KCNQ1: variants seen among roughly 807,000 people sequenced by gnomAD.
KCNQ1 encodes potassium voltage-gated channel subfamily KQT member 1.
In KCNQ1, 49 loss-of-function variants were observed where a neutral mutation model predicts 72.4. The observed-to-expected ratio is 0.68, with a 90% CI of 0.54 to 0.86. The LOEUF is 0.86. Among genes scored for constraint, KCNQ1 ranks in the 40% least tolerant of loss-of-function variants. KCNQ1 has a pLI of 0.00. For missense variants in KCNQ1, 790 were observed against 945.1 expected, an observed-to-expected ratio of 0.84 and a Z score of 2.15; for synonymous variants, 450 against 412.6, an observed-to-expected ratio of 1.09 and a Z score of -1.10.
intron 1 of KCNQ1, among the ~76,000 whole-genome samples, chr11:2,452,436 G>A (rs1846130409): frequency 6.6e-6 from 1 of 152,166 alleles, no homozygotes; most frequent in Non-Finnish European, 1.5e-5. Context: ...GAGCAGCCCG[G>A]GCAGCTTAGA....
chr11:2,748,921 C>T lies in KCNQ1; in HGVS notation c.1515-19923C>T, dbSNP rs1462877253. 1.3e-5 allele frequency among the ~76,000 whole-genome samples: 2 copies of T among 152,224 alleles called. No individual in the cohort carries two copies. The highest frequency in any genetic ancestry group is 6.5e-5 in the Admixed American group (1 of 15,290). On this transcript the variant is annotated intron_variant, in intron 11 of 15. Coordinates refer to ENST00000155840, the MANE Select transcript of KCNQ1 (RefSeq NM_000218.3). The surrounding 1 kb of genome is among the most constrained non-coding windows in gnomAD (Gnocchi z 6.2). ...CTCTTCCCCTCTTTGCGGTTGTCACCCTGTCCTTGAGTCTAACTGGGGCTG... is the reference window on the plus strand; with the variant it reads ...CTCTTCCCCTCTTTGCGGTTGTCACTCTGTCCTTGAGTCTAACTGGGGCTG...
chr11:2,633,969 C>G, intron 10 of KCNQ1: 1 of 398,454 alleles, frequency 2.5e-6, no homozygotes, highest in Non-Finnish European at 4.4e-6. Context: ...CTATACAGTT[C>G]AAATCTATGT....
Position 2,475,290 on chromosome 11 carries a change from C to T in KCNQ1, c.386+29806C>T, listed in dbSNP as rs75293264. On this transcript the variant is annotated intron_variant, in intron 1 of 15. Coordinates refer to ENST00000155840, the MANE Select transcript of KCNQ1 (RefSeq NM_000218.3). The surrounding 1 kb of genome is among the most constrained non-coding windows in gnomAD (Gnocchi z 5.8). ...CACCGAGCGTCCTGTCTTCACTGTC[C>T]GCCGTGTTATAACACGCAAGGGAAT... Among the ~76,000 whole-genome samples the T allele has an allele frequency of 0.023, 3,484 of 152,166 alleles. 134 individuals carry two copies. Among genetic ancestry groups the T allele is most frequent in the African/African-American group, 0.081 (3,357 of 41,500 alleles).
At position 2,759,598 on chromosome 11, in the gene KCNQ1, G is replaced by A. The variant is rs867350936; in HGVS notation, c.1515-9246G>A. On this transcript the variant is annotated intron_variant, in intron 11 of 15. Coordinates refer to ENST00000155840, the MANE Select transcript of KCNQ1 (RefSeq NM_000218.3). The surrounding 1 kb of genome is among the most constrained non-coding windows in gnomAD (Gnocchi z 4.4). ...CCCAGCATGTGGGAAGGAAGGGAGCGAGCTCTTATTTCCTTATTTTCTTTC... is the reference window on the plus strand; with the variant it reads ...CCCAGCATGTGGGAAGGAAGGGAGCAAGCTCTTATTTCCTTATTTTCTTTC... Among the ~76,000 whole-genome samples the A allele has an allele frequency of 2.0e-5, 3 of 152,214 alleles. No homozygotes were observed. Among genetic ancestry groups the A allele is most frequent in the Non-Finnish European group, 4.4e-5 (3 of 68,040 alleles).
intron 11 of KCNQ1, among the ~76,000 whole-genome samples, chr11:2,737,690 C>T (rs529076451): frequency 3.3e-5 from 5 of 152,190 alleles, no homozygotes; most frequent in Admixed American, 2.0e-4. Flanking sequence ...CCATAAAACA[C>T]GGCTGGTGGG....
In KCNQ1 at chr11:2,671,042, G is replaced by C; in HGVS notation, c.1514+8961G>C. 2.5e-6 allele frequency: 1 copy of C among 398,682 alleles called. No homozygotes were observed. The highest frequency in any genetic ancestry group is 4.4e-6 in the Non-Finnish European group (1 of 226,092). 24.7% of individuals were successfully genotyped at this position (398,682 alleles called of 1,614,324 possible). On this transcript the variant is annotated intron_variant, in intron 11 of 15. Transcript: ENST00000155840. The surrounding 1 kb of genome is among the most constrained non-coding windows in gnomAD (Gnocchi z 4.7). ...AACGTAGGTGTCCTGGGCAGGGGCT[G>C]TATCTGAGGCACACATCCTTGGTAG... is the stretch of plus-strand genomic sequence containing the variant.
intron 11 of KCNQ1, chr11:2,681,280 A>C: frequency 2.5e-6 from 1 of 398,520 alleles, no homozygotes. Context: ...CTTTCTCCCT[A>C]TACCTTCCTG....
chr11:2,692,114 T>A, intron 11 of KCNQ1: 1 of 398,666 alleles, frequency 2.5e-6, no homozygotes, highest in Non-Finnish European at 4.4e-6. Context: ...GCCTCCATCA[T>A]TTTATAGCCC....
chr11:2,717,949 C>G (rs1414025307), intron 11 of KCNQ1, among the ~76,000 whole-genome samples: 1 of 152,224 alleles, frequency 6.6e-6, no homozygotes, highest in Non-Finnish European at 1.5e-5. Flanking sequence ...GGAGTAAAGA[C>G]CACACCTGGC....
At chr11:2,649,795 T>TTTA (rs1312338624) in intron 10 of KCNQ1, 1 of 398,436 alleles carries the variant, frequency 2.5e-6, no homozygotes, top group African/African-American at 2.1e-5. Context: ...GTTGAATCTA[T>TTTA]TTAGGGATTT....
In KCNQ1 at chr11:2,704,086, G is replaced by A. The variant is rs555943014; in HGVS notation, c.1514+42005G>A. On this transcript the variant is annotated intron_variant, in intron 11 of 15. Transcript: ENST00000155840. The surrounding 1 kb of genome is among the most constrained non-coding windows in gnomAD (Gnocchi z 4.3). ...AGTTGGCAGTCTGTGGCCCCTCCTCGGTCCCCTTCAGTGAGGCTTTTTGCA... is the reference window on the plus strand; with the variant it reads ...AGTTGGCAGTCTGTGGCCCCTCCTCAGTCCCCTTCAGTGAGGCTTTTTGCA... Among the ~76,000 whole-genome samples the A allele has an allele frequency of 7.2e-5, 11 of 152,292 alleles. No homozygotes were observed. Among genetic ancestry groups the A allele is most frequent in the Non-Finnish European group, 1.0e-4 (7 of 68,020 alleles).
chr11:2,510,826 G>A (rs1052113627), intron 1 of KCNQ1, among the ~76,000 whole-genome samples: 5 of 152,130 alleles, frequency 3.3e-5, no homozygotes, highest in Non-Finnish European at 5.9e-5. Context: ...GCCTTCCTCC[G>A]ATCACAGTGT....
chr11:2,504,131 G>A (rs548246582), intron 1 of KCNQ1, among the ~76,000 whole-genome samples: 9 of 152,244 alleles, frequency 5.9e-5, no homozygotes, highest in African/African-American at 9.6e-5. Flanking sequence ...TACACGCAAC[G>A]GTATACTAGT....
rs1018128415 is a variant in KCNQ1 at position 2,492,399 on chromosome 11, G to T, written c.387-35529G>T. Among the ~76,000 whole-genome samples the T allele has an allele frequency of 1.3e-5, 2 of 152,166 alleles. No individual in the cohort carries two copies. Among genetic ancestry groups the T allele is most frequent in the Non-Finnish European group, 2.9e-5 (2 of 68,034 alleles). On this transcript the variant is annotated intron_variant, in intron 1 of 15. Coordinates refer to ENST00000155840, the MANE Select transcript of KCNQ1 (RefSeq NM_000218.3). The surrounding 1 kb of genome is among the most constrained non-coding windows in gnomAD (Gnocchi z 4.1). ...TGGAATACGTGTGCTGAACGTGCAGGTTTGTTACATACGTATACAGTGCCA... is the reference window on the plus strand; with the variant it reads ...TGGAATACGTGTGCTGAACGTGCAGTTTTGTTACATACGTATACAGTGCCA...
rs1021539113 is a variant in KCNQ1, at chr11:2,538,196, G to T, written c.477+10178G>T. Among the ~76,000 whole-genome samples, 8 of 152,214 alleles carry T rather than the reference G, an allele frequency of 5.3e-5. No homozygotes were observed. The highest frequency in any genetic ancestry group is 3.9e-4 in the Admixed American group (6 of 15,286). On this transcript the variant is annotated intron_variant, in intron 2 of 15. Transcript: ENST00000155840. This position sits in a 1 kb window ranked among gnomAD's most constrained non-coding sequence, Gnocchi z 6.7. ...TTTAAGGCTCGTCACTGGTCCCAGT[G>T]AGTGTGGCTGGTTTTTTCTCATTGC...
intron 2 of KCNQ1, among the ~76,000 whole-genome samples, chr11:2,568,543 C>G (rs555764588): frequency 6.6e-6 from 1 of 152,326 alleles, no homozygotes; most frequent in South Asian, 2.1e-4. Flanking sequence ...CAGGCCCGGT[C>G]TCCCTAACGG....
Position 2,624,640 on chromosome 11 carries a change from G to C in KCNQ1, c.1393+35786G>C. On this transcript the variant is annotated intron_variant, in intron 10 of 15. Coordinates refer to ENST00000155840, the MANE Select transcript of KCNQ1 (RefSeq NM_000218.3). This position sits in a 1 kb window ranked among gnomAD's most constrained non-coding sequence, Gnocchi z 4.9. ...AGTGTACAATTCAGTGAATGTATTA[G>C]ATACGTTCACAATGCTGTGCAATCA... is the stretch of plus-strand genomic sequence containing the variant. 2 of 398,434 alleles carry C rather than the reference G, an allele frequency of 5.0e-6. No homozygotes were observed. The highest frequency in any genetic ancestry group is 3.6e-5 in the East Asian group (1 of 28,058). The allele number at this position is 398,434 out of a possible 1,614,324, so 24.7% of individuals were successfully genotyped here. A position where few individuals can be genotyped will look rare whatever the true frequency, so the allele number is the denominator to read the frequency against.
chr11:2,722,147 C>T lies in KCNQ1; in HGVS notation c.1515-46697C>T, dbSNP rs866740415. On this transcript the variant is annotated intron_variant, in intron 11 of 15. Transcript: ENST00000155840. ...TGTGCCCCTGGGATCAAGCTTGGATCCTGAGGTCCTGAGCTTGGTGAGTCA... is the reference window on the plus strand; with the variant it reads ...TGTGCCCCTGGGATCAAGCTTGGATTCTGAGGTCCTGAGCTTGGTGAGTCA... Among the ~76,000 whole-genome samples, 9 of 152,250 alleles carry T rather than the reference C, an allele frequency of 5.9e-5. No individual in the cohort carries two copies. In the South Asian group the frequency reaches 6.2e-4, roughly 11 times the overall value.
In KCNQ1 at chr11:2,538,625, G is replaced by A. The variant is rs536440020; in HGVS notation, c.477+10607G>A. On this transcript the variant is annotated intron_variant, in intron 2 of 15. Coordinates refer to ENST00000155840, the MANE Select transcript of KCNQ1 (RefSeq NM_000218.3). The surrounding 1 kb of genome is among the most constrained non-coding windows in gnomAD (Gnocchi z 6.7). ...GGGCTGGAACCGGAACGTTCCCCGA[G>A]TACATAGGAATCCTGGGCTGGAACC... Among the ~76,000 whole-genome samples, 83 of 151,974 alleles carry A rather than the reference G, an allele frequency of 5.5e-4. No individual in the cohort carries two copies. The highest frequency in any genetic ancestry group is 2.0e-3 in the African/African-American group (81 of 41,442).
Sources: allele counts gnomAD v4.1 joint callset (sites outside exome capture counted in the v4.1 genomes callset), GRCh38; gene constraint gnomAD v4.1.1; non-coding constraint Gnocchi (gnomAD v3.1); transcripts MANE v1.5; gene names NCBI Gene and HGNC (gene_info 2026-07-23, HGNC 2026-07-21).